Variants in IL1RAPL2 observed in about 807,000 individuals in gnomAD.
The protein encoded by IL1RAPL2 is X-linked interleukin-1 receptor accessory protein-like 2.
Under a neutral mutation model 44.1 loss-of-function variants are expected in IL1RAPL2, and 3 were observed. That is an observed-to-expected ratio of 0.07 (90% CI 0.03 to 0.18). The LOEUF is 0.18. Among genes scored for constraint, IL1RAPL2 ranks in the 10% least tolerant of loss-of-function variants. The pLI is 1.00. For synonymous variants in IL1RAPL2, 181 were observed against 178.8 expected, an observed-to-expected ratio of 1.01 and a Z score of -0.10; for missense variants, 391 against 496.4, an observed-to-expected ratio of 0.79 and a Z score of 2.02.
chrX:105,439,421 T>G (rs762727070), intron 5 of IL1RAPL2, among the ~76,000 whole-genome samples: 1 of 109,914 alleles, frequency 9.1e-6, no homozygotes, highest in East Asian at 2.9e-4. Flanking sequence ...GTTTGGCATT[T>G]TTTTTAGACT....
intron 6 of IL1RAPL2, among the ~76,000 whole-genome samples, chrX:105,536,139 T>C (rs747872855): frequency 9.0e-6 from 1 of 110,706 alleles, no homozygotes; most frequent in African/African-American, 3.3e-5. Flanking sequence ...AACATGTTCA[T>C]TATAAAAAAT....
intron 2 of IL1RAPL2, among the ~76,000 whole-genome samples, chrX:105,127,247 C>T (rs1424601247): frequency 4.5e-5 from 5 of 111,137 alleles, no homozygotes; most frequent in Admixed American, 3.8e-4. Flanking sequence ...CCAATGGTTT[C>T]GATATTTGGA....
At chrX:105,331,173 C>A (rs1355381400) in intron 5 of IL1RAPL2, among the ~76,000 whole-genome samples, 4 of 111,420 alleles carry the variant, frequency 3.6e-5, no homozygotes, top group Non-Finnish European at 7.5e-5. Context: ...CTATCAATTT[C>A]TTACAACACA....
intron 2 of IL1RAPL2, among the ~76,000 whole-genome samples, chrX:104,844,750 A>AC (rs1261064277): frequency 1.8e-5 from 2 of 111,816 alleles, no homozygotes; most frequent in African/African-American, 6.5e-5. Context: ...TTGATTTAAA[A>AC]CTTTTTCCAA....
At chrX:105,154,671 G>A (rs893268162) in intron 2 of IL1RAPL2, among the ~76,000 whole-genome samples, 4 of 110,833 alleles carry the variant, frequency 3.6e-5, no homozygotes, top group African/African-American at 1.3e-4. Flanking sequence ...TCTTTCTATT[G>A]TTCCTGTGTC....
chrX:104,812,411 C>T (rs182860866), intron 2 of IL1RAPL2, among the ~76,000 whole-genome samples: 2 of 111,702 alleles, frequency 1.8e-5, no homozygotes, highest in East Asian at 2.8e-4. Flanking sequence ...GAGAGCCACT[C>T]TGTGTCATGA....
At position 105,605,065 on chromosome X, in the gene IL1RAPL2, C is replaced by T. The variant is rs1035476448; in HGVS notation, c.773-112302C>T. 3.6e-5 allele frequency among the ~76,000 whole-genome samples: 4 copies of T among 110,775 alleles called. No individual in the cohort carries two copies. In the East Asian group the frequency reaches 1.1e-3, roughly 31 times the overall value. On this transcript the variant is annotated intron_variant, in intron 6 of 10. Transcript: ENST00000372582. ...GACAAGGATATCCACTTTCAACACT[C>T]TTATTCAGTATATTTTTGGAAGTCC...
At chrX:105,048,259 T>A (rs73520226) in intron 2 of IL1RAPL2, among the ~76,000 whole-genome samples, 7,345 of 111,662 alleles carry the variant, frequency 0.066, 661 homozygotes, top group African/African-American at 0.23. Flanking sequence ...ACAATGGAGT[T>A]GTCAAAGATG....
At chrX:105,329,182 G>A (rs1441829041) in intron 5 of IL1RAPL2, among the ~76,000 whole-genome samples, 1 of 112,252 alleles carries the variant, frequency 8.9e-6, no homozygotes, top group Non-Finnish European at 1.9e-5. Context: ...CCAGGACCTG[G>A]AAGTGTAGGG....
intron 1 of IL1RAPL2, among the ~76,000 whole-genome samples, chrX:104,656,938 T>C (rs1283608744): frequency 6.3e-5 from 7 of 111,377 alleles, no homozygotes; most frequent in Admixed American, 5.7e-4. Flanking sequence ...AATGGCCTTC[T>C]TTGTCTCTTT....
chrX:104,812,090 G>A (rs779491021), intron 2 of IL1RAPL2, among the ~76,000 whole-genome samples: 11 of 110,909 alleles, frequency 9.9e-5, no homozygotes, highest in Admixed American at 9.6e-4. Flanking sequence ...GAAATGCACC[G>A]CAGGGCTTTG....
chrX:104,672,026 T>G (rs1930614477), intron 2 of IL1RAPL2, among the ~76,000 whole-genome samples: 1 of 111,854 alleles, frequency 8.9e-6, no homozygotes. Context: ...TTGGCTTATT[T>G]AGGATTCATG....
At chrX:104,602,544 C>T (rs990060175) in intron 1 of IL1RAPL2, among the ~76,000 whole-genome samples, 4 of 111,730 alleles carry the variant, frequency 3.6e-5, no homozygotes, top group Non-Finnish European at 7.5e-5. Context: ...CGGCGGGTCC[C>T]ACCCTCACGG....
intron 2 of IL1RAPL2, among the ~76,000 whole-genome samples, chrX:104,917,398 A>G (rs955950890): frequency 1.2e-4 from 14 of 112,269 alleles, no homozygotes; most frequent in Admixed American, 6.6e-4. Context: ...TAACTTTGCA[A>G]AAGAAGATTC....
chrX:105,273,108 C>A (rs2034459954), intron 5 of IL1RAPL2, among the ~76,000 whole-genome samples: 1 of 111,210 alleles, frequency 9.0e-6, no homozygotes, highest in South Asian at 3.8e-4. Context: ...GCCAGCAACT[C>A]CATAATAATC....
chrX:105,326,677 A>C (rs2034941765), intron 5 of IL1RAPL2, among the ~76,000 whole-genome samples: 1 of 111,467 alleles, frequency 9.0e-6, no homozygotes, highest in East Asian at 2.8e-4. Flanking sequence ...ATGCCTTTGT[A>C]CCTATGTAAA....
At chrX:105,465,827 A>G (rs988648147) in intron 5 of IL1RAPL2, among the ~76,000 whole-genome samples, 2 of 111,688 alleles carry the variant, frequency 1.8e-5, no homozygotes, top group African/African-American at 6.5e-5. Context: ...TTCAAGGACA[A>G]TAGGCCTTTA....
At chrX:105,576,194 C>G (rs1332502888) in intron 6 of IL1RAPL2, among the ~76,000 whole-genome samples, 4 of 111,032 alleles carry the variant, frequency 3.6e-5, no homozygotes, top group Non-Finnish European at 5.7e-5. Flanking sequence ...GCTTTTGTTG[C>G]AATTGATTTT....
At chrX:105,387,643 T>C (rs1183779244) in intron 5 of IL1RAPL2, among the ~76,000 whole-genome samples, 2 of 111,890 alleles carry the variant, frequency 1.8e-5, no homozygotes, top group African/African-American at 3.2e-5. Context: ...ATGAAACATA[T>C]AAAATTGTAC....
Sources: allele counts gnomAD v4.1 joint callset (sites outside exome capture counted in the v4.1 genomes callset), GRCh38; gene constraint gnomAD v4.1.1; transcripts MANE v1.5; gene names NCBI Gene and HGNC (gene_info 2026-07-23, HGNC 2026-07-21).